Variants in SEMA3B observed in about 807,000 individuals in gnomAD.
The protein encoded by SEMA3B is semaphorin-3B.
A neutral mutation model predicts 77.8 loss-of-function variants in SEMA3B; 71 were observed. The ratio of observed to expected loss-of-function variants is 0.91; its 90% CI spans 0.75 to 1.11. The LOEUF (loss-of-function observed/expected upper bound fraction) is 1.11, where lower values mean the gene tolerates loss of function less well. SEMA3B is among the 50% of genes most tolerant of loss of function. SEMA3B has a pLI of 0.00. For missense variants in SEMA3B, 968 were observed against 1,056.8 expected (o/e 0.92, Z 1.17); for synonymous variants, 470 against 452.9 (o/e 1.04, Z -0.48).
chr3:50,263,577 G>A (rs1185703562), upstream of SEMA3B, among the ~76,000 whole-genome samples: 3 of 143,260 alleles, frequency 2.1e-5, no homozygotes, highest in Non-Finnish European at 3.0e-5. Flanking sequence ...CTGCAATCCC[G>A]CCAAACTTCA....
rs924244734 is a variant in SEMA3B, at chr3:50,271,197, A to G, written c.544+16A>G. ...GTGCTGGTGGGTGAGTCCAAGGGCT[A>G]AGGCCCCAAGAGAACCCCTTAGAAA... is the stretch of plus-strand genomic sequence containing the variant. On this transcript the variant is annotated intron_variant, in intron 5 of 16. Coordinates refer to ENST00000616701, the MANE Select transcript of SEMA3B (RefSeq NM_001290060.2). 4 of 1,558,450 alleles carry G rather than the reference A, an allele frequency of 2.6e-6. No individual in the cohort carries two copies. The highest frequency in any genetic ancestry group is 1.9e-5 in the Admixed American group (1 of 51,530).
rs782424976 is a variant in SEMA3B at position 50,274,464 on chromosome 3, G to T, written c.1239G>T (p.Leu413=). The change falls in exon 11 of 17, where the codon CTG becomes CTT. Residue 413 remains leucine, a synonymous_variant. Transcript: ENST00000616701. This position sits in a 1 kb window ranked among gnomAD's most constrained non-coding sequence, Gnocchi z 4.7. ...RNHPLMYNSV[L]PTGGRPLFLQ... ...ACCCCCTCATGTACAACTCTGTCCT[G>T]CCCACTGGGGGGCGCCCTCTTTTCC... 2.6e-6 allele frequency: 4 copies of T among 1,546,638 alleles called. No individual in the cohort carries two copies. The highest frequency in any genetic ancestry group is 3.5e-6 in the Non-Finnish European group (4 of 1,148,658).
At position 50,270,262 on chromosome 3, in the gene SEMA3B, A is replaced by G. The variant is rs1353581326; in HGVS notation, c.245A>G (p.Asn82Ser). ...CATGTGGCCTCCCTCAACCTGGACA[A>G]CATCAGCAAGCGGGCCAAGAAGGTG... ...ENHVASLNLDNISKRAKKLAW... is the reference protein window; with the variant it reads ...ENHVASLNLDSISKRAKKLAW... The change falls in exon 2 of 17, where the codon AAC (asparagine) becomes AGC (serine). Residue 82 changes from asparagine to serine, a missense_variant. Physicochemically the swap from Asn to Ser is conservative, Grantham distance 46. Transcript: ENST00000616701. The surrounding 1 kb of genome is among the most constrained non-coding windows in gnomAD (Gnocchi z 4.7). The G allele has an allele frequency of 1.9e-6, 3 of 1,613,312 alleles. No individual in the cohort carries two copies. The African/African-American group carries it at 4.0e-5, about 22-fold the overall frequency.
Position 50,269,308 on chromosome 3 carries a change from G to C in SEMA3B, c.68G>C (p.Ser23Thr). ...CTGCTCTGGGCAGTGGGGCTGGGGA[G>C]TGCCGCCCCCAGCCCCCCACGCCTT... ...LALLWAVGLG[S>T]AAPSPPRLRL... The change falls in exon 1 of 17, where the codon AGT becomes ACT. Residue 23 changes from serine (S) to threonine (T), a missense_variant. By Grantham distance (58) the Ser-to-Thr change is moderately conservative (BLOSUM62 1). Coordinates refer to ENST00000616701, the MANE Select transcript of SEMA3B (RefSeq NM_001290060.2). The surrounding 1 kb of genome is among the most constrained non-coding windows in gnomAD (Gnocchi z 4.0). 6.5e-7 allele frequency: 1 copy of C among 1,529,866 alleles called. No homozygotes were observed. 94.8% of individuals were successfully genotyped at this position (1,529,866 alleles called of 1,614,324 possible).
chr3:50,269,262 G>T lies in SEMA3B; in HGVS notation c.22G>T (p.Ala8Ser), dbSNP rs368463287. 12 of 1,537,122 alleles carry T rather than the reference G, an allele frequency of 7.8e-6. No homozygotes were observed. The highest frequency in any genetic ancestry group is 1.0e-5 in the Non-Finnish European group (12 of 1,146,616). ...TGAGATGGGGCGGGCCGGGGCTGCCGCCGTGATCCCGGGCCTGGCCCTGCT... is the reference window on the plus strand; with the variant it reads ...TGAGATGGGGCGGGCCGGGGCTGCCTCCGTGATCCCGGGCCTGGCCCTGCT... MGRAGAA[A>S]VIPGLALLWA... Residue 8 changes from alanine (A) to serine (S), a missense_variant, in exon 1 of 17, where the codon GCC becomes TCC. By Grantham distance (99) the Ala-to-Ser change is moderately conservative (BLOSUM62 1). Transcript: ENST00000616701. The surrounding 1 kb of genome is among the most constrained non-coding windows in gnomAD (Gnocchi z 4.0).
At position 50,271,107 on chromosome 3, in the gene SEMA3B, A is replaced by T. The variant is rs782379134; in HGVS notation, c.470A>T (p.Asp157Val). 18 of 1,583,118 alleles carry T rather than the reference A, an allele frequency of 1.1e-5. No homozygotes were observed. The highest frequency in any genetic ancestry group is 1.5e-5 in the Non-Finnish European group (18 of 1,164,680). Reference protein sequence around the residue: ...HRAEEPVLRLDPGRIEDGKGK... With the variant: ...HRAEEPVLRLVPGRIEDGKGK... ...TCCCAGGAGCCCGTCCTCCGGCTGG[A>T]CCCAGGAAGGATAGAGGATGGCAAG... Residue 157 changes from aspartate (D) to valine (V), a missense_variant, in exon 5 of 17, where the codon GAC becomes GTC. Physicochemically the swap from Asp to Val is radical, Grantham distance 152. Coordinates refer to ENST00000616701, the MANE Select transcript of SEMA3B (RefSeq NM_001290060.2).
chr3:50,275,397 G>T lies in SEMA3B; in HGVS notation c.1587G>T (p.Ala529=), dbSNP rs782370338. 6.3e-7 allele frequency: 1 copy of T among 1,595,004 alleles called. No individual in the cohort carries two copies. The highest frequency in any genetic ancestry group is 8.5e-7 in the Non-Finnish European group (1 of 1,171,542). The change falls in exon 14 of 17, where the codon GCG becomes GCT. Residue 529 remains alanine (A), a synonymous_variant. Coordinates refer to ENST00000616701, the MANE Select transcript of SEMA3B (RefSeq NM_001290060.2). The surrounding 1 kb of genome is among the most constrained non-coding windows in gnomAD (Gnocchi z 7.5). ...GCGTCTGCACCGAATGCTGTCTGGC[G>T]CGTGACCCCTACTGCGCCTGGGACG... ...HGRVCTECCL[A]RDPYCAWDGV...
chr3:50,264,234 A>T (rs1487544629), upstream of SEMA3B, among the ~76,000 whole-genome samples: 7 of 151,950 alleles, frequency 4.6e-5, no homozygotes, highest in Non-Finnish European at 1.0e-4. Flanking sequence ...AAAAAAAAGT[A>T]CTGGGGTGAG....
Position 50,273,906 on chromosome 3 carries a change from C to T in SEMA3B, c.993-7C>T. The T allele has an allele frequency of 6.3e-7, 1 of 1,596,492 alleles. No individual in the cohort carries two copies. The highest frequency in any genetic ancestry group is 8.6e-7 in the Non-Finnish European group (1 of 1,168,372). ...GCCCCTCACCTCGCCCTGGTCTTCG[C>T]CTCCAGCAGCATCTTCCAGGGCTCT... is the stretch of plus-strand genomic sequence containing the variant. On this transcript the variant is annotated splice_polypyrimidine_tract_variant and splice_region_variant and intron_variant, in intron 9 of 16. Coordinates refer to ENST00000616701, the MANE Select transcript of SEMA3B (RefSeq NM_001290060.2). This position sits in a 1 kb window ranked among gnomAD's most constrained non-coding sequence, Gnocchi z 6.5.
Position 50,273,291 on chromosome 3 carries a change from CG to C in SEMA3B, c.665-5del, listed in dbSNP as rs1559787950. On this transcript the variant is annotated splice_polypyrimidine_tract_variant and splice_region_variant and intron_variant, in intron 6 of 16. Transcript: ENST00000616701. This position sits in a 1 kb window ranked among gnomAD's most constrained non-coding sequence, Gnocchi z 6.5. ...ACCCGCTGACCCATGCCTCCTGCCG[CG>C]GTCAGAGCCCAAGTTTGTCAAGGTA... 6.2e-7 allele frequency: 1 copy of C among 1,612,282 alleles called. No homozygotes were observed. Among genetic ancestry groups the C allele is most frequent in the East Asian group, 2.2e-5 (1 of 44,838 alleles).
chr3:50,270,726 G>C lies in SEMA3B; in HGVS notation c.331-164G>C. The stretch of plus-strand genomic sequence containing the variant: ...TGTGCTTCCCCAGACACCCACCCTC[G>C]TGAGGCCTGGGCTGGTCAGCAAGGG... On this transcript the variant is annotated intron_variant, in intron 3 of 16. Coordinates refer to ENST00000616701, the MANE Select transcript of SEMA3B (RefSeq NM_001290060.2). The surrounding 1 kb of genome is among the most constrained non-coding windows in gnomAD (Gnocchi z 4.7). 3 of 1,268,182 alleles carry C rather than the reference G, an allele frequency of 2.4e-6. No individual in the cohort carries two copies. The South Asian group carries it at 4.5e-5, about 19-fold the overall frequency. The allele number at this position is 1,268,182 out of a possible 1,614,324, so 78.6% of individuals were successfully genotyped here. A position where few individuals can be genotyped will look rare whatever the true frequency, so the allele number is the denominator to read the frequency against.
At chr3:50,263,498 CAAAAAAAAAAAAAAAAAA>C (rs1173351827), upstream of SEMA3B, 3 of 24,456 alleles carry the variant, frequency 1.2e-4, no homozygotes, top group Admixed American at 1.3e-3. Flanking sequence ...GATCCTGTCT[CAAAAAAAAAAAAAAAAAA>C]AAAAAAAAAG....
In SEMA3B at chr3:50,276,213, T is replaced by C; in HGVS notation, c.1846-89T>C. The C allele has an allele frequency of 7.1e-7, 1 of 1,413,070 alleles. No individual in the cohort carries two copies. 87.5% of individuals were successfully genotyped at this position (1,413,070 alleles called of 1,614,324 possible). A position where few individuals can be genotyped will look rare whatever the true frequency, so the allele number is the denominator to read the frequency against. On this transcript the variant is annotated intron_variant, in intron 16 of 16. Coordinates refer to ENST00000616701, the MANE Select transcript of SEMA3B (RefSeq NM_001290060.2). The surrounding 1 kb of genome is among the most constrained non-coding windows in gnomAD (Gnocchi z 5.8). ...TTTCCCGCTCCACCTCGGCTCCCAA[T>C]GACTCTTTGCTTCTTCCGTCGCGTG...
In SEMA3B at chr3:50,276,336, G is replaced by C; in HGVS notation, c.1880G>C (p.Arg627Pro). ...GAGGAGCGCACCGAGCGCACCGCCC[G>C]GGGACTACTGCTGCGCAGGCTGCGG... is the stretch of plus-strand genomic sequence containing the variant. ...LAEERTERTA[R>P]GLLLRRLRRR... Residue 627 changes from arginine (R) to proline (P), a missense_variant, in exon 17 of 17, where the codon CGG becomes CCG. Physicochemically the swap from Arg to Pro is moderately radical, Grantham distance 103. Transcript: ENST00000616701. This position sits in a 1 kb window ranked among gnomAD's most constrained non-coding sequence, Gnocchi z 5.8. 6.5e-7 allele frequency: 1 copy of C among 1,528,570 alleles called. No individual in the cohort carries two copies. The highest frequency in any genetic ancestry group is 1.4e-5 in the African/African-American group (1 of 72,664). The allele number at this position is 1,528,570 out of a possible 1,614,324, so 94.7% of individuals were successfully genotyped here.
chr3:50,274,513 TTCAC>T lies in SEMA3B; in HGVS notation c.1292_1295del (p.Thr431LysfsTer27), dbSNP rs782345223. 1.9e-6 allele frequency: 3 copies of T among 1,569,830 alleles called. No individual in the cohort carries two copies. The highest frequency in any genetic ancestry group is 2.6e-6 in the Non-Finnish European group (3 of 1,159,884). Reference sequence around the variant, plus strand: ...CCTACAAGTTGGAGCCAATTACACCTTCACTCAAATTGCCGCGGACCGGGTTGCA... The same window carrying T: ...CCTACAAGTTGGAGCCAATTACACCTTCAAATTGCCGCGGACCGGGTTGCA... On this transcript the variant is annotated frameshift_variant, in exon 11 of 17. Transcript: ENST00000616701. LOFTEE classifies it high-confidence loss of function. This position sits in a 1 kb window ranked among gnomAD's most constrained non-coding sequence, Gnocchi z 4.7.
rs1701226449 is a variant in SEMA3B, at chr3:50,276,025, C to T, written c.1845+181C>T. The T allele has an allele frequency of 2.2e-6, 2 of 924,850 alleles. No individual in the cohort carries two copies. Among genetic ancestry groups the T allele is most frequent in the Admixed American group, 3.0e-5 (1 of 32,806 alleles). The allele number at this position is 924,850 out of a possible 1,614,324, so 57.3% of individuals were successfully genotyped here. A position where few individuals can be genotyped will look rare whatever the true frequency, so the allele number is the denominator to read the frequency against. On this transcript the variant is annotated intron_variant, in intron 16 of 16. Coordinates refer to ENST00000616701, the MANE Select transcript of SEMA3B (RefSeq NM_001290060.2). This position sits in a 1 kb window ranked among gnomAD's most constrained non-coding sequence, Gnocchi z 5.8. The stretch of plus-strand genomic sequence containing the variant: ...CATTGCGTCCAACGGGGCTCCCGAC[C>T]CGCCTCCCCTGAATCAAGGAGAAGA...
At position 50,273,281 on chromosome 3, in the gene SEMA3B, C is replaced by A. The variant is rs782725194; in HGVS notation, c.665-17C>A. 1.9e-6 allele frequency: 3 copies of A among 1,610,206 alleles called. No individual in the cohort carries two copies. The South Asian group carries it at 3.3e-5, about 18-fold the overall frequency. ...CAAGGCCAGGACCCGCTGACCCATGCCTCCTGCCGCGGTCAGAGCCCAAGT... is the reference window on the plus strand; with the variant it reads ...CAAGGCCAGGACCCGCTGACCCATGACTCCTGCCGCGGTCAGAGCCCAAGT... On this transcript the variant is annotated splice_polypyrimidine_tract_variant and intron_variant, in intron 6 of 16. Transcript: ENST00000616701. This position sits in a 1 kb window ranked among gnomAD's most constrained non-coding sequence, Gnocchi z 6.5.
In SEMA3B at chr3:50,273,653, GC is replaced by G; in HGVS notation, c.922+8del. On this transcript the variant is annotated splice_region_variant and intron_variant, in intron 8 of 16. Coordinates refer to ENST00000616701, the MANE Select transcript of SEMA3B (RefSeq NM_001290060.2). This position sits in a 1 kb window ranked among gnomAD's most constrained non-coding sequence, Gnocchi z 6.5. ...ACCCACTTCGATCAGCTCCGTGAGT[GC>G]GGGAGTGGGTATGGGGTTGGGGAGG... 6.2e-7 allele frequency: 1 copy of G among 1,608,916 alleles called. No individual in the cohort carries two copies. The highest frequency in any genetic ancestry group is 8.5e-7 in the Non-Finnish European group (1 of 1,179,124).
In SEMA3B at chr3:50,269,336, G is replaced by C; in HGVS notation, c.96G>C (p.Arg32=). The stretch of plus-strand genomic sequence containing the variant: ...CCGCCCCCAGCCCCCCACGCCTTCG[G>C]CTCTCCTTCCAAGGTAGGTGCACCT... ...GSAAPSPPRL[R]LSFQELQAWH... Residue 32 remains arginine (R), a synonymous_variant, in exon 1 of 17, where the codon CGG becomes CGC. Transcript: ENST00000616701. This position sits in a 1 kb window ranked among gnomAD's most constrained non-coding sequence, Gnocchi z 4.0. The C allele has an allele frequency of 6.6e-7, 1 of 1,507,880 alleles. No individual in the cohort carries two copies. The highest frequency in any genetic ancestry group is 8.8e-7 in the Non-Finnish European group (1 of 1,132,692). 93.4% of individuals were successfully genotyped at this position (1,507,880 alleles called of 1,614,324 possible).
Sources: gnomAD v4.1 joint callset for allele counts (sites outside exome capture counted in the v4.1 genomes callset) on GRCh38, gnomAD v4.1.1 for gene constraint, Gnocchi (gnomAD v3.1) non-coding constraint, MANE v1.5 for transcripts, NCBI Gene and HGNC (gene_info 2026-07-23, HGNC 2026-07-21) for gene names.